GMDS: variants seen among roughly 807,000 people sequenced by gnomAD.
GMDS encodes GDP-mannose 4,6 dehydratase.
Under a neutral mutation model 49.9 loss-of-function variants are expected in GMDS, and 20 were observed. The observed-to-expected ratio is 0.40, with a 90% confidence interval of 0.28 to 0.58. The LOEUF (loss-of-function observed/expected upper bound fraction) is 0.58, where lower values mean the gene tolerates loss of function less well. Among genes scored for constraint, GMDS ranks in the 20% least tolerant of loss-of-function variants. The pLI, the probability that GMDS is intolerant of heterozygous loss-of-function variation, is 0.42. For missense variants in GMDS, 362 were observed against 481.4 expected, an observed-to-expected ratio of 0.75 and a Z score of 2.32; for synonymous variants, 177 against 178.6, an observed-to-expected ratio of 0.99 and a Z score of 0.07.
intron 7 of GMDS, among the ~76,000 whole-genome samples, chr6:1,789,167 C>A (rs1407715656): frequency 6.6e-6 from 1 of 152,240 alleles, no homozygotes; most frequent in Non-Finnish European, 1.5e-5. Flanking sequence ...AAAGGCAAAG[C>A]TTCCATGTGC....
chr6:1,747,482 GTGTGCGCGCA>G (rs1472259441), intron 7 of GMDS, among the ~76,000 whole-genome samples: 102 of 3,176 alleles, frequency 0.032, no homozygotes, highest in Admixed American at 0.1. Flanking sequence ...ACGCTCATGC[GTGTGCGCGCA>G]CACACACACA....
At chr6:1,848,286 C>T (rs1757506196) in intron 7 of GMDS, among the ~76,000 whole-genome samples, 1 of 152,108 alleles carries the variant, frequency 6.6e-6, no homozygotes, top group Admixed American at 6.5e-5. Context: ...TTTCCAACCT[C>T]TGTGCCTCTG....
At chr6:2,219,073 G>A (rs1259712319) in intron 1 of GMDS, among the ~76,000 whole-genome samples, 1 of 152,086 alleles carries the variant, frequency 6.6e-6, no homozygotes, top group African/African-American at 2.4e-5. Flanking sequence ...CTCCAGCCTG[G>A]GCGACAGAGC....
intron 7 of GMDS, among the ~76,000 whole-genome samples, chr6:1,875,884 G>T (rs1190933117): frequency 1.3e-5 from 2 of 151,918 alleles, no homozygotes; most frequent in Non-Finnish European, 2.9e-5. Context: ...AATTAGCCAG[G>T]CATGGTGGCA....
chr6:1,912,228 C>T (rs7762291), intron 7 of GMDS, among the ~76,000 whole-genome samples: 74,998 of 151,710 alleles, frequency 0.49, 21,152 homozygotes, highest in African/African-American at 0.78. Context: ...TAGCCAGGTG[C>T]GGTGGCGGGC....
At chr6:2,101,754 T>C (rs2127486488) in intron 4 of GMDS, among the ~76,000 whole-genome samples, 2 of 152,226 alleles carry the variant, frequency 1.3e-5, no homozygotes, top group East Asian at 3.9e-4. Flanking sequence ...CCACTAACCA[T>C]TAACACTTCA....
At chr6:2,031,140 G>C (rs1489702300) in intron 4 of GMDS, among the ~76,000 whole-genome samples, 1 of 152,176 alleles carries the variant, frequency 6.6e-6, no homozygotes, top group Non-Finnish European at 1.5e-5. Context: ...CGCACATCCT[G>C]ATGCAGTAGT....
At chr6:2,219,514 T>C (rs927396065) in intron 1 of GMDS, among the ~76,000 whole-genome samples, 2 of 152,186 alleles carry the variant, frequency 1.3e-5, no homozygotes, top group African/African-American at 4.8e-5. Flanking sequence ...TCATTTTAAA[T>C]TTCTAATCCA....
chr6:2,017,273 A>G (rs1407165756), intron 4 of GMDS, among the ~76,000 whole-genome samples: 2 of 152,022 alleles, frequency 1.3e-5, no homozygotes, highest in Admixed American at 6.6e-5. Context: ...AAATATTAAA[A>G]AGAAATGCCA....
chr6:1,796,566 C>T (rs1769742740), intron 7 of GMDS, among the ~76,000 whole-genome samples: 1 of 152,112 alleles, frequency 6.6e-6, no homozygotes, highest in Admixed American at 6.5e-5. Flanking sequence ...TGGAAAATTT[C>T]CTTGGGATAA....
chr6:2,156,019 T>C, intron 1 of GMDS, among the ~76,000 whole-genome samples: 1 of 152,194 alleles, frequency 6.6e-6, no homozygotes, highest in East Asian at 1.9e-4. Flanking sequence ...ACTTGACTAT[T>C]AGGGTTACTT....
chr6:2,181,220 T>C (rs1236581983), intron 1 of GMDS, among the ~76,000 whole-genome samples: 1 of 150,828 alleles, frequency 6.6e-6, no homozygotes, highest in Non-Finnish European at 1.5e-5. Context: ...ATTCCATGTT[T>C]AACAGAATTC....
intron 4 of GMDS, among the ~76,000 whole-genome samples, chr6:1,996,391 T>C (rs1309433884): frequency 1.3e-5 from 2 of 152,160 alleles, no homozygotes; most frequent in Admixed American, 1.3e-4. Context: ...CCATTTCTCT[T>C]CCCATTCTCT....
Position 1,833,945 on chromosome 6 carries a change from T to G in GMDS, c.772-91359A>C, listed in dbSNP as rs964548065. Reference sequence around the variant, plus strand: ...TCGCATCAAATCCATAGAACAACTCTAATATTCTTACTCACTCAAAAATGA... The same window carrying G: ...TCGCATCAAATCCATAGAACAACTCGAATATTCTTACTCACTCAAAAATGA... On this transcript the variant is annotated intron_variant, in intron 7 of 10. Transcript: ENST00000380815. The surrounding 1 kb of genome is among the most constrained non-coding windows in gnomAD (Gnocchi z 4.4). 1.3e-5 allele frequency among the ~76,000 whole-genome samples: 2 copies of G among 152,196 alleles called. No homozygotes were observed. The highest frequency in any genetic ancestry group is 2.9e-5 in the Non-Finnish European group (2 of 68,038).
chr6:2,120,018 C>T (rs1042882404), intron 2 of GMDS, among the ~76,000 whole-genome samples: 3 of 152,092 alleles, frequency 2.0e-5, no homozygotes, highest in African/African-American at 7.2e-5. Flanking sequence ...ATTTCAAATT[C>T]TTAGTGTCTA....
intron 7 of GMDS, among the ~76,000 whole-genome samples, chr6:1,860,570 T>A: frequency 6.6e-6 from 1 of 152,210 alleles, no homozygotes; most frequent in East Asian, 1.9e-4. Flanking sequence ...ATGCAGTTTT[T>A]AAATCATAGA....
chr6:1,876,801 T>C (rs1169414088), intron 7 of GMDS, among the ~76,000 whole-genome samples: 1 of 152,254 alleles, frequency 6.6e-6, no homozygotes, highest in African/African-American at 2.4e-5. Context: ...CCTTCCTTTT[T>C]GATTTCTAGT....
intron 4 of GMDS, among the ~76,000 whole-genome samples, chr6:2,021,139 T>C (rs991587082): frequency 7.2e-5 from 11 of 152,248 alleles, no homozygotes; most frequent in African/African-American, 2.7e-4. Context: ...ATTCTACAAA[T>C]TGGCAGGTTT....
intron 1 of GMDS, among the ~76,000 whole-genome samples, chr6:2,164,242 T>C (rs1468143822): frequency 6.6e-6 from 1 of 152,216 alleles, no homozygotes; most frequent in African/African-American, 2.4e-5. Flanking sequence ...TTCCACAGTC[T>C]TAATATACAT....
Sources: allele counts gnomAD v4.1 joint callset (sites outside exome capture counted in the v4.1 genomes callset), GRCh38; gene constraint gnomAD v4.1.1; non-coding constraint Gnocchi (gnomAD v3.1); transcripts MANE v1.5; gene names NCBI Gene and HGNC (gene_info 2026-07-23, HGNC 2026-07-21).